Variants in HDAC8 observed in about 807,000 individuals in gnomAD.
HDAC8 encodes the protein histone deacetylase-like 1.
In HDAC8, 1 loss-of-function variant was observed where a neutral mutation model predicts 32.2. The ratio of observed to expected loss-of-function variants is 0.03; its 90% CI spans 0.01 to 0.15. HDAC8 has a LOEUF of 0.15. Among genes scored for constraint, HDAC8 ranks in the 10% least tolerant of loss-of-function variants. HDAC8 has a pLI of 1.00. For missense variants in HDAC8, 117 were observed against 300.0 expected, an observed-to-expected ratio of 0.39 and a Z score of 4.51; for synonymous variants, 108 against 113.9, an observed-to-expected ratio of 0.95 and a Z score of 0.33.
intron 7 of HDAC8, among the ~76,000 whole-genome samples, chrX:72,485,564 G>C (rs1252081778): frequency 9.1e-6 from 1 of 109,378 alleles, no homozygotes; most frequent in Non-Finnish European, 1.9e-5. Context: ...GAGGAGGAAA[G>C]AAAGGGAGGA....
At chrX:72,430,600 A>G (rs1269010246) in intron 9 of HDAC8, among the ~76,000 whole-genome samples, 2 of 111,897 alleles carry the variant, frequency 1.8e-5, no homozygotes, top group Admixed American at 9.5e-5. Flanking sequence ...CTATTATTGT[A>G]CTTAGCAACT....
intron 4 of HDAC8, among the ~76,000 whole-genome samples, chrX:72,558,824 C>T (rs1174724931): frequency 2.7e-5 from 3 of 110,166 alleles, no homozygotes; most frequent in African/African-American, 9.9e-5. Context: ...ATGATATGAT[C>T]ATATACCTAG....
At chrX:72,557,327 A>C (rs1556097704) in intron 4 of HDAC8, among the ~76,000 whole-genome samples, 1 of 112,151 alleles carries the variant, frequency 8.9e-6, no homozygotes, top group East Asian at 2.8e-4. Flanking sequence ...ACTTAAGAAA[A>C]TCTTTAACAA....
intron 4 of HDAC8, 98 bp from the exon 5 acceptor site, chrX:72,495,366 T>C (rs2048990331): frequency 4.5e-6 from 2 of 440,690 alleles, no homozygotes; most frequent in East Asian, 8.2e-5. Flanking sequence ...TCCCCTAAAG[T>C]TCCCCCTTCT....
At chrX:72,561,480 C>T (rs1426222745) in intron 4 of HDAC8, among the ~76,000 whole-genome samples, 1 of 112,120 alleles carries the variant, frequency 8.9e-6, no homozygotes, top group East Asian at 2.8e-4. Flanking sequence ...TGGCAAGCCA[C>T]ATGTAGAAGA....
chrX:72,499,637 C>G (rs1424005254), intron 4 of HDAC8, among the ~76,000 whole-genome samples: 1 of 111,577 alleles, frequency 9.0e-6, no homozygotes, highest in Non-Finnish European at 1.9e-5. Flanking sequence ...TGGGAAGCAG[C>G]TAAGGCAGTG....
chrX:72,409,062 A>G (rs3012642), intron 9 of HDAC8, among the ~76,000 whole-genome samples: 27,751 of 111,487 alleles, frequency 0.25, 6,101 homozygotes, highest in East Asian at 0.74. Context: ...TTTGCTTTTG[A>G]ACTTTTCTAC....
chrX:72,564,969 A>G (rs2051725634), intron 4 of HDAC8, among the ~76,000 whole-genome samples: 1 of 112,388 alleles, frequency 8.9e-6, no homozygotes, highest in African/African-American at 3.2e-5. Context: ...CTTAGAATAG[A>G]TTGCCAAGAA....
At chrX:72,389,213 C>T (rs1555962894) in intron 9 of HDAC8, among the ~76,000 whole-genome samples, 1 of 111,635 alleles carries the variant, frequency 9.0e-6, no homozygotes, top group Non-Finnish European at 1.9e-5. Flanking sequence ...GGAATGGACA[C>T]AACTGCACAG....
chrX:72,393,500 G>A (rs782737430), intron 9 of HDAC8, among the ~76,000 whole-genome samples: 27 of 111,842 alleles, frequency 2.4e-4, no homozygotes, highest in Non-Finnish European at 4.9e-4. Context: ...TTCTCAACTC[G>A]TTAAACCGTT....
At chrX:72,519,274 G>A (rs1047835517) in intron 4 of HDAC8, among the ~76,000 whole-genome samples, 1 of 112,117 alleles carries the variant, frequency 8.9e-6, no homozygotes, top group Non-Finnish European at 1.9e-5. Flanking sequence ...GAACATTTAT[G>A]TGCAAGTCTT....
chrX:72,412,337 C>T (rs983264999), intron 9 of HDAC8, among the ~76,000 whole-genome samples: 14 of 111,968 alleles, frequency 1.3e-4, no homozygotes, highest in Non-Finnish European at 5.6e-5. Flanking sequence ...TGAGGGGCTA[C>T]TATGTGCCAG....
intron 9 of HDAC8, among the ~76,000 whole-genome samples, chrX:72,371,327 T>C (rs140499374): frequency 8.9e-6 from 1 of 111,752 alleles, no homozygotes; most frequent in South Asian, 3.8e-4. Context: ...GTTAAAAAAG[T>C]AATATACCCT....
chrX:72,351,931 C>T (rs782404971), intron 9 of HDAC8, 93 bp from the exon 10 acceptor site: 35 of 629,912 alleles, frequency 5.6e-5, no homozygotes, highest in Non-Finnish European at 8.6e-5. Flanking sequence ...ACTCATACTA[C>T]CAACAAGGCA....
At chrX:72,501,971 A>G (rs2049231606) in intron 4 of HDAC8, among the ~76,000 whole-genome samples, 1 of 112,367 alleles carries the variant, frequency 8.9e-6, no homozygotes, top group Non-Finnish European at 1.9e-5. Flanking sequence ...ATATGAACAG[A>G]TACTTTTCAA....
chrX:72,498,965 C>A (rs782399217), intron 4 of HDAC8, among the ~76,000 whole-genome samples: 1 of 110,936 alleles, frequency 9.0e-6, no homozygotes, highest in African/African-American at 3.3e-5. Flanking sequence ...TGAGTTCTCA[C>A]TCTATTAGTT....
At chrX:72,404,344 C>T (rs1268623694) in intron 9 of HDAC8, among the ~76,000 whole-genome samples, 2 of 111,399 alleles carry the variant, frequency 1.8e-5, no homozygotes, top group Non-Finnish European at 3.8e-5. Flanking sequence ...ATATATTTGT[C>T]CCCTTTTCAA....
chrX:72,474,721 G>C, intron 7 of HDAC8: 1 of 1,173,172 alleles, frequency 8.5e-7, no homozygotes. Flanking sequence ...TGGGGCAGGA[G>C]GTTCGTACCT....
At chrX:72,524,619 C>T (rs782667662) in intron 4 of HDAC8, among the ~76,000 whole-genome samples, 10 of 111,375 alleles carry the variant, frequency 9.0e-5, no homozygotes, top group Admixed American at 3.8e-4. Flanking sequence ...CTTTTGTCTG[C>T]GTAGATGGTG....
Sources: gnomAD v4.1 joint callset for allele counts (sites outside exome capture counted in the v4.1 genomes callset) on GRCh38, gnomAD v4.1.1 for gene constraint, MANE v1.5 for transcripts, NCBI Gene and HGNC (gene_info 2026-07-23, HGNC 2026-07-21) for gene names.